ELP4: variants seen among roughly 807,000 people sequenced by gnomAD.
ELP4 encodes the protein elongator complex protein 4.
In ELP4, 51 loss-of-function variants were observed where a neutral mutation model predicts 48.9. That is an observed-to-expected ratio of 1.04 (90% CI 0.83 to 1.32). The LOEUF is 1.32. Ranked by LOEUF, ELP4 falls within the 40% of genes most tolerant of loss-of-function variation. The pLI, the probability that ELP4 is intolerant of heterozygous loss-of-function variation, is 0.00. For missense variants in ELP4, 519 were observed against 514.6 expected (o/e 1.01, Z -0.08); for synonymous variants, 210 against 189.2 (o/e 1.11, Z -0.90).
chr11:31,694,718 T>C (rs1282234850), intron 9 of ELP4, among the ~76,000 whole-genome samples: 1 of 152,234 alleles, frequency 6.6e-6, no homozygotes, highest in Non-Finnish European at 1.5e-5. Context: ...GGTAGCTTAA[T>C]GGGGATGGCA....
At chr11:31,658,381 AT>A (rs1945482871) in intron 9 of ELP4, among the ~76,000 whole-genome samples, 1 of 151,322 alleles carries the variant, frequency 6.6e-6, no homozygotes, top group Non-Finnish European at 1.5e-5. Flanking sequence ...ATATATTCAT[AT>A]GTATGTGTGA....
intron 3 of ELP4, among the ~76,000 whole-genome samples, chr11:31,549,905 A>T (rs1178946590): frequency 6.6e-6 from 1 of 151,968 alleles, no homozygotes; most frequent in African/African-American, 2.4e-5. Flanking sequence ...CAAACACCAC[A>T]CTTTATCACT....
chr11:31,617,493 G>T (rs1305119455), intron 5 of ELP4, among the ~76,000 whole-genome samples: 1 of 151,864 alleles, frequency 6.6e-6, no homozygotes, highest in Admixed American at 6.6e-5. Flanking sequence ...AGATAAAAAA[G>T]TTCTGGAGAT....
intron 2 of ELP4, 118 bp from the exon 3 acceptor site, chr11:31,539,544 C>A: frequency 9.9e-7 from 1 of 1,007,272 alleles, no homozygotes; most frequent in Non-Finnish European, 1.4e-6. Context: ...TTTGTTCCAC[C>A]TCATATACTT....
rs1945348593 is a variant in ELP4, at chr11:31,652,753, G to A, written c.1143+2532G>A. On this transcript the variant is annotated intron_variant, in intron 9 of 9. Coordinates refer to ENST00000640961, the MANE Select transcript of ELP4 (RefSeq NM_019040.5). ...GTGAATCAGAGTCTCACTTTCAGAA[G>A]TGAAAGGTAGTTTAGCAGGGAAAGC... The A allele has an allele frequency of 4.0e-5, 6 of 151,718 alleles. No homozygotes were observed. In the South Asian group the frequency reaches 1.2e-3, roughly 31 times the overall value. 9.4% of individuals were successfully genotyped at this position (151,718 alleles called of 1,614,324 possible).
intron 1 of ELP4, chr11:31,512,377 C>T (rs1956024959): frequency 6.6e-6 from 1 of 152,104 alleles, no homozygotes; most frequent in African/African-American, 2.4e-5. Flanking sequence ...ATTTGAAAGG[C>T]ATCATACATG....
intron 3 of ELP4, among the ~76,000 whole-genome samples, chr11:31,547,835 T>C (rs1033313915): frequency 6.6e-6 from 1 of 152,058 alleles, no homozygotes; most frequent in Admixed American, 6.6e-5. Context: ...GTTCAATATA[T>C]ACAAATCAAT....
At chr11:31,700,257 A>G (rs1277732276) in intron 9 of ELP4, among the ~76,000 whole-genome samples, 1 of 152,060 alleles carries the variant, frequency 6.6e-6, no homozygotes, top group Non-Finnish European at 1.5e-5. Context: ...CAAATGAAAA[A>G]TTAAAAATTG....
intron 9 of ELP4, among the ~76,000 whole-genome samples, chr11:31,756,400 A>T (rs1486182093): frequency 1.3e-5 from 2 of 152,144 alleles, no homozygotes; most frequent in Non-Finnish European, 2.9e-5. Context: ...ATCACCATTC[A>T]TACCAAACAA....
chr11:31,637,860 T>G lies in ELP4; in HGVS notation c.927+5455T>G, dbSNP rs77952774. On this transcript the variant is annotated intron_variant, in intron 7 of 9. Coordinates refer to ENST00000640961, the MANE Select transcript of ELP4 (RefSeq NM_019040.5). ...AGAAATGGTGACCAATAACACTTAT[T>G]CTTTTTGGAAATAGAAACTTAGTTT... is the stretch of plus-strand genomic sequence containing the variant. 3.4e-3 allele frequency among the ~76,000 whole-genome samples: 511 copies of G among 152,070 alleles called. 2 individuals are homozygous for G. Among genetic ancestry groups the G allele is most frequent in the African/African-American group, 0.011 (448 of 41,550 alleles).
chr11:31,719,530 C>T (rs16922429), intron 9 of ELP4: 4,325 of 398,086 alleles, frequency 0.011, 172 homozygotes, highest in African/African-American at 0.08. Context: ...TTTTCCAAAA[C>T]TTGTAGCTTT....
At chr11:31,663,964 T>C (rs938480740) in intron 9 of ELP4, 3 of 152,124 alleles carry the variant, frequency 2.0e-5, no homozygotes, top group Non-Finnish European at 4.4e-5. Context: ...TTTTAAATTA[T>C]GTAAAACAAA....
At chr11:31,690,906 A>C (rs1464739030) in intron 9 of ELP4, among the ~76,000 whole-genome samples, 1 of 146,656 alleles carries the variant, frequency 6.8e-6, no homozygotes, top group East Asian at 2.0e-4. Flanking sequence ...CTTAATTTTC[A>C]GTCAGTTTAG....
chr11:31,665,892 C>T (rs61879762), intron 9 of ELP4, among the ~76,000 whole-genome samples: 14,451 of 151,254 alleles, frequency 0.096, 979 homozygotes, highest in Non-Finnish European at 0.14. Context: ...TGGGCTCAAG[C>T]AGAGCACCTG....
At chr11:31,710,804 C>A (rs768700479) in intron 9 of ELP4, among the ~76,000 whole-genome samples, 20 of 152,210 alleles carry the variant, frequency 1.3e-4, no homozygotes, top group East Asian at 3.9e-4. Flanking sequence ...CAATCCATAT[C>A]TTTTCATGTA....
At chr11:31,515,033 G>GTATATATATATATATA (rs10676705) in intron 1 of ELP4, among the ~76,000 whole-genome samples, 3 of 133,982 alleles carry the variant, frequency 2.2e-5, no homozygotes, top group Non-Finnish European at 4.7e-5. Flanking sequence ...GTGTGTGTGT[G>GTATATATATATATATA]TATATATATA....
chr11:31,687,257 A>G (rs777398067), intron 9 of ELP4, among the ~76,000 whole-genome samples: 23 of 152,226 alleles, frequency 1.5e-4, no homozygotes, highest in Non-Finnish European at 2.6e-4. Context: ...CCAGAGATGT[A>G]TATTTGGGAA....
chr11:31,699,477 C>T (rs1467972856), intron 9 of ELP4, among the ~76,000 whole-genome samples: 1 of 152,092 alleles, frequency 6.6e-6, no homozygotes, highest in East Asian at 1.9e-4. Flanking sequence ...GAAATCTCTT[C>T]CCTGCCATAG....
intron 3 of ELP4, among the ~76,000 whole-genome samples, chr11:31,550,418 A>G (rs1396730547): frequency 6.6e-6 from 1 of 152,202 alleles, no homozygotes; most frequent in East Asian, 1.9e-4. Context: ...ATTAAAACAT[A>G]AAACCATAAA....
Sources: gnomAD v4.1 joint callset for allele counts (sites outside exome capture counted in the v4.1 genomes callset) on GRCh38, gnomAD v4.1.1 for gene constraint, MANE v1.5 for transcripts, NCBI Gene and HGNC (gene_info 2026-07-23, HGNC 2026-07-21) for gene names.